Variants in ASIC2 observed in about 807,000 individuals in gnomAD.
The protein encoded by ASIC2 is acid-sensing ion channel 2.
Under a neutral mutation model 57.3 loss-of-function variants are expected in ASIC2, and 25 were observed. That is an observed-to-expected ratio of 0.44 (90% CI 0.32 to 0.61). The LOEUF is 0.61. Ranked by LOEUF, ASIC2 falls within the 20% of genes least tolerant of loss-of-function variation. The probability of loss-of-function intolerance (pLI) is 0.06; values close to 1 mark genes in which losing one functional copy is unlikely to be tolerated. For synonymous variants in ASIC2, 319 were observed against 307.5 expected (o/e 1.04, Z -0.39); for missense variants, 641 against 738.1 (o/e 0.87, Z 1.52).
intron 1 of ASIC2, among the ~76,000 whole-genome samples, chr17:33,822,758 G>A (rs533016089): frequency 1.6e-4 from 25 of 152,314 alleles, no homozygotes; most frequent in African/African-American, 6.0e-4. Flanking sequence ...CTGGGATGTG[G>A]TTGTGAGTTC....
intron 1 of ASIC2, among the ~76,000 whole-genome samples, chr17:33,235,183 C>T (rs1908246176): frequency 6.6e-6 from 1 of 152,218 alleles, no homozygotes; most frequent in Non-Finnish European, 1.5e-5. Context: ...GCTCATACAT[C>T]TTCAGTCATA....
intron 1 of ASIC2, among the ~76,000 whole-genome samples, chr17:33,992,107 T>A (rs1399936744): frequency 6.6e-6 from 1 of 152,118 alleles, no homozygotes; most frequent in Admixed American, 6.6e-5. Flanking sequence ...TTACCTACTG[T>A]GATAGAACTG....
At chr17:34,000,459 G>T (rs970284033) in intron 1 of ASIC2, among the ~76,000 whole-genome samples, 4 of 151,994 alleles carry the variant, frequency 2.6e-5, no homozygotes, top group Admixed American at 1.3e-4. Context: ...CTCCATGTTG[G>T]TCAGGCTGAT....
At chr17:33,376,013 T>C (rs1909264222) in intron 1 of ASIC2, among the ~76,000 whole-genome samples, 1 of 152,102 alleles carries the variant, frequency 6.6e-6, no homozygotes, top group Admixed American at 6.5e-5. Context: ...GCAGTTAAGT[T>C]TATGAGTGTG....
intron 1 of ASIC2, among the ~76,000 whole-genome samples, chr17:33,192,138 T>C (rs1209775699): frequency 7.2e-5 from 11 of 152,166 alleles, no homozygotes; most frequent in Non-Finnish European, 1.5e-4. Flanking sequence ...TTATGAAAGA[T>C]GGAGCTGTAA....
At chr17:33,543,840 G>A (rs968501074) in intron 1 of ASIC2, among the ~76,000 whole-genome samples, 18 of 152,206 alleles carry the variant, frequency 1.2e-4, no homozygotes, top group African/African-American at 4.3e-4. Context: ...ACCCCAGTCT[G>A]TTTCAGTCTT....
At position 33,337,206 on chromosome 17, in the gene ASIC2, G is replaced by A. The variant is rs573465531; in HGVS notation, c.556-225139C>T. ...GAGGTAGCACTGACAGAACCAAAAA[G>A]TGCTTGGACTCTGCATCTAAAAGAC... On this transcript the variant is annotated intron_variant, in intron 1 of 9. Coordinates refer to the ASIC2 transcript ENST00000359872. 2.0e-5 allele frequency among the ~76,000 whole-genome samples: 3 copies of A among 152,284 alleles called. No homozygotes were observed. In the South Asian group the frequency reaches 6.2e-4, roughly 32 times the overall value.
chr17:33,861,688 G>T (rs1914105802), intron 1 of ASIC2, among the ~76,000 whole-genome samples: 2 of 152,176 alleles, frequency 1.3e-5, no homozygotes, highest in Non-Finnish European at 2.9e-5. Context: ...GGCTATCACT[G>T]ATTGAATTAA....
chr17:33,918,574 C>T (rs1915639318), intron 1 of ASIC2, among the ~76,000 whole-genome samples: 1 of 152,130 alleles, frequency 6.6e-6, no homozygotes, highest in African/African-American at 2.4e-5. Context: ...TATGAATTAT[C>T]AACCACCACC....
intron 1 of ASIC2, among the ~76,000 whole-genome samples, chr17:34,082,534 T>G (rs1909926560): frequency 6.6e-6 from 1 of 152,232 alleles, no homozygotes; most frequent in Non-Finnish European, 1.5e-5. Flanking sequence ...TTGCTCCTTT[T>G]GCCTTGGACT....
intron 1 of ASIC2, among the ~76,000 whole-genome samples, chr17:33,433,203 T>C (rs983364279): frequency 6.6e-6 from 1 of 152,106 alleles, no homozygotes; most frequent in East Asian, 1.9e-4. Flanking sequence ...ATATATACCA[T>C]GGAATATTAT....
chr17:33,381,015 C>G (rs937834960), intron 1 of ASIC2, among the ~76,000 whole-genome samples: 1 of 152,170 alleles, frequency 6.6e-6, no homozygotes, highest in African/African-American at 2.4e-5. Context: ...TAAAGAAGAG[C>G]TGGAATCTCG....
At chr17:33,225,201 G>A (rs1015627332) in intron 1 of ASIC2, among the ~76,000 whole-genome samples, 2 of 152,202 alleles carry the variant, frequency 1.3e-5, no homozygotes, top group Non-Finnish European at 2.9e-5. Flanking sequence ...CCTGTGCTGT[G>A]GCAATGTTTG....
At chr17:34,114,199 C>T (rs1406094666) in intron 1 of ASIC2, among the ~76,000 whole-genome samples, 1 of 152,196 alleles carries the variant, frequency 6.6e-6, no homozygotes, top group Non-Finnish European at 1.5e-5. Flanking sequence ...GCTGATCCTT[C>T]CTGCCTGCAC....
intron 2 of ASIC2, among the ~76,000 whole-genome samples, chr17:33,109,603 GATA>G (rs1380739666): frequency 6.6e-6 from 1 of 152,196 alleles, no homozygotes; most frequent in Non-Finnish European, 1.5e-5. Flanking sequence ...CCCCGAGTGA[GATA>G]ATAAGATCCT....
At chr17:34,114,580 T>G (rs530695985) in intron 1 of ASIC2, among the ~76,000 whole-genome samples, 106 of 152,330 alleles carry the variant, frequency 7.0e-4, no homozygotes, top group Middle Eastern at 3.4e-3. Context: ...GAAAGGATTT[T>G]TTGGGGGGCT....
At chr17:33,566,867 C>T (rs766943879) in intron 1 of ASIC2, among the ~76,000 whole-genome samples, 2 of 152,018 alleles carry the variant, frequency 1.3e-5, no homozygotes, top group Non-Finnish European at 2.9e-5. Context: ...AACTGCATTG[C>T]CTCCACTCCT....
chr17:33,447,073 G>A (rs1023912246), intron 1 of ASIC2, among the ~76,000 whole-genome samples: 3 of 152,192 alleles, frequency 2.0e-5, no homozygotes, highest in African/African-American at 7.2e-5. Context: ...AATTTATGGT[G>A]TTTGCAGTTG....
chr17:34,127,137 G>A (rs929993787), intron 1 of ASIC2, among the ~76,000 whole-genome samples: 13 of 152,352 alleles, frequency 8.5e-5, no homozygotes, highest in African/African-American at 3.1e-4. Flanking sequence ...ATCAGCTTCA[G>A]TAAGAGGGGG....
Sources: allele counts gnomAD v4.1 joint callset (sites outside exome capture counted in the v4.1 genomes callset), GRCh38; gene constraint gnomAD v4.1.1; transcripts MANE v1.5; gene names NCBI Gene and HGNC (gene_info 2026-07-23, HGNC 2026-07-21).